FAM20C: variants seen among roughly 807,000 people sequenced by gnomAD.
The protein encoded by FAM20C is FAM20C golgi associated secretory pathway kinase, also known as extracellular serine/threonine protein kinase FAM20C.
A neutral mutation model predicts 51.5 loss-of-function variants in FAM20C; 40 were observed. The observed-to-expected ratio is 0.78, with a 90% CI of 0.60 to 1.01. The LOEUF (loss-of-function observed/expected upper bound fraction) is 1.01, where lower values mean the gene tolerates loss of function less well. Among genes scored for constraint, FAM20C ranks in the 50% least tolerant of loss-of-function variants. The probability of loss-of-function intolerance (pLI) is 0.00; values close to 1 mark genes in which losing one functional copy is unlikely to be tolerated. For synonymous variants in FAM20C, 406 were observed against 380.6 expected (o/e 1.07, Z -0.78); for missense variants, 861 against 844.7 (o/e 1.02, Z -0.24).
rs1208646717 is a variant in FAM20C at position 259,922 on chromosome 7, T to C, written c.1697T>C (p.Leu566Pro). The change falls in exon 10 of 10, where the codon CTC becomes CCC. Residue 566 changes from leucine to proline, a missense_variant. This residue lies in a region of FAM20C where 269 missense variants were observed against 283.8 expected (regional missense o/e 0.95). Coordinates refer to ENST00000313766, the MANE Select transcript of FAM20C (RefSeq NM_020223.4). ...CGGGACTGCGTGGAGAGGAACGGGC[T>C]CCACAGCGTGGTGGATGACGACCTG... ...AVRDCVERNG[L>P]HSVVDDDLDT... 3.9e-6 allele frequency: 6 copies of C among 1,533,800 alleles called. No individual in the cohort carries two copies. In the African/African-American group the frequency reaches 8.2e-5, roughly 21 times the overall value.
At position 249,744 on chromosome 7, in the gene FAM20C, AAAAAG is replaced by A. The variant is rs376191529; in HGVS notation, c.1072+1328_1072+1332del. On this transcript the variant is annotated intron_variant, in intron 5 of 9. Coordinates refer to ENST00000313766, the MANE Select transcript of FAM20C (RefSeq NM_020223.4). ...AACAGAGTGAGACCCTGTCTCAAAA[AAAAAG>A]AAAAGAAAAGAAACTGGCATTTGTG... Among the ~76,000 whole-genome samples, 25 of 152,284 alleles carry A rather than the reference AAAAAG, an allele frequency of 1.6e-4. 1 individual carries two copies. In the East Asian group the frequency reaches 2.1e-3, roughly 13 times the overall value.
chr7:241,652 A>T (rs1384556189), intron 3 of FAM20C, among the ~76,000 whole-genome samples: 1 of 151,638 alleles, frequency 6.6e-6, no homozygotes, highest in Non-Finnish European at 1.5e-5. Flanking sequence ...ATGGATGCAC[A>T]TGTGCATGAA....
At chr7:245,455 G>A (rs1034007080) in intron 3 of FAM20C, among the ~76,000 whole-genome samples, 22 of 151,778 alleles carry the variant, frequency 1.4e-4, no homozygotes, top group Non-Finnish European at 2.4e-4. Flanking sequence ...GGTGGAGGAA[G>A]CCTGGGTTGG....
At chr7:196,258 G>A (rs1372631013) in intron 2 of FAM20C, among the ~76,000 whole-genome samples, 3 of 151,950 alleles carry the variant, frequency 2.0e-5, no homozygotes, top group Non-Finnish European at 4.4e-5. Context: ...TCAGGACGGA[G>A]GCCTGGGCCT....
intron 3 of FAM20C, chr7:228,764 C>T (rs575754489): frequency 4.4e-6 from 2 of 456,252 alleles, no homozygotes; most frequent in East Asian, 6.9e-5. Context: ...CCTGACTGAA[C>T]AGACGCCACG....
chr7:232,938 C>T (rs1249022372), intron 3 of FAM20C, among the ~76,000 whole-genome samples: 1 of 152,244 alleles, frequency 6.6e-6, no homozygotes, highest in Non-Finnish European at 1.5e-5. Context: ...CCTGCAGCCC[C>T]AGCCTTCCTG....
intron 3 of FAM20C, among the ~76,000 whole-genome samples, chr7:217,643 C>G (rs568513112): frequency 6.6e-6 from 1 of 152,256 alleles, no homozygotes; most frequent in South Asian, 2.1e-4. Flanking sequence ...CTTTCTCGCA[C>G]CCATGTCTAG....
chr7:208,285 A>C (rs1786533234), intron 2 of FAM20C, among the ~76,000 whole-genome samples: 1 of 151,540 alleles, frequency 6.6e-6, no homozygotes, highest in East Asian at 1.9e-4. Flanking sequence ...GCAGGTAAGC[A>C]CACCTGGCCG....
At chr7:241,805 G>A (rs1422521086) in intron 3 of FAM20C, among the ~76,000 whole-genome samples, 1 of 151,214 alleles carries the variant, frequency 6.6e-6, no homozygotes, top group Non-Finnish European at 1.5e-5. Flanking sequence ...GCACACGTGT[G>A]AATGTGCATC....
intron 8 of FAM20C, among the ~76,000 whole-genome samples, chr7:257,981 AGTGT>A (rs1788678467): frequency 5.1e-5 from 3 of 59,086 alleles, no homozygotes; most frequent in Non-Finnish European, 7.1e-5. Context: ...GGAGATAGGC[AGTGT>A]GGACCCACTG....
intron 5 of FAM20C, among the ~76,000 whole-genome samples, chr7:253,412 A>T (rs1188550930): frequency 3.3e-5 from 5 of 151,916 alleles, no homozygotes; most frequent in Non-Finnish European, 2.9e-5. Context: ...CGGGAGGCCA[A>T]CCGTGATGCC....
chr7:236,884 C>G, intron 3 of FAM20C, among the ~76,000 whole-genome samples: 1 of 142,480 alleles, frequency 7.0e-6, no homozygotes. Context: ...GGCTGTCGGG[C>G]TCATCTGGAT....
intron 3 of FAM20C, among the ~76,000 whole-genome samples, chr7:241,800 C>A (rs991508620): frequency 3.3e-5 from 5 of 150,566 alleles, no homozygotes; most frequent in African/African-American, 7.4e-5. Context: ...CATGTGCACA[C>A]GTGTGAATGT....
intron 3 of FAM20C, among the ~76,000 whole-genome samples, chr7:241,374 TC>T (rs1221788641): frequency 6.6e-6 from 1 of 152,120 alleles, no homozygotes; most frequent in Non-Finnish European, 1.5e-5. Context: ...AGCAAGTCGT[TC>T]GTCTTCTGCG....
intron 2 of FAM20C, among the ~76,000 whole-genome samples, chr7:199,878 G>A (rs1786050368): frequency 6.6e-6 from 1 of 152,200 alleles, no homozygotes; most frequent in Admixed American, 6.6e-5. Flanking sequence ...ACTGGCATGT[G>A]AGGATTCGGG....
intron 3 of FAM20C, among the ~76,000 whole-genome samples, chr7:210,300 C>T (rs539502991): frequency 2.6e-5 from 4 of 151,988 alleles, no homozygotes; most frequent in South Asian, 2.1e-4. Context: ...TTGGGCCTCT[C>T]GTGGCCTCTG....
intron 5 of FAM20C, among the ~76,000 whole-genome samples, chr7:251,236 C>T (rs1222066473): frequency 3.1e-5 from 4 of 127,664 alleles, no homozygotes; most frequent in East Asian, 2.5e-4. Context: ...CGGCGGCTCA[C>T]GCCTGCACTG....
rs1562359820 is a variant in FAM20C, at chr7:195,748, T to G, written c.784+16T>G. ...ACCAGCGTGGGTAGGTGTCCTTGGG[T>G]GCACTCAGGGCCGTCTGTGTGCCGG... On this transcript the variant is annotated intron_variant, in intron 2 of 9. Transcript: ENST00000313766. 6.3e-7 allele frequency: 1 copy of G among 1,585,356 alleles called. No homozygotes were observed.
chr7:234,563 G>A (rs1389663905), intron 3 of FAM20C, among the ~76,000 whole-genome samples: 4 of 152,186 alleles, frequency 2.6e-5, no homozygotes, highest in South Asian at 2.1e-4. Context: ...AGGCTTTGCC[G>A]AGAAGGTGCT....
Sources: allele counts gnomAD v4.1 joint callset (sites outside exome capture counted in the v4.1 genomes callset), GRCh38; gene constraint gnomAD v4.1.1; regional missense constraint gnomAD v4.1.1; transcripts MANE v1.5; gene names NCBI Gene and HGNC (gene_info 2026-07-23, HGNC 2026-07-21).